Variants in PAFAH1B1 observed in about 807,000 individuals in gnomAD.
The protein encoded by PAFAH1B1 is platelet-activating factor acetylhydrolase IB subunit beta.
Under a neutral mutation model 57.5 loss-of-function variants are expected in PAFAH1B1, and 2 were observed. The ratio of observed to expected loss-of-function variants is 0.03; its 90% CI spans 0.01 to 0.11. The LOEUF is 0.11. PAFAH1B1 is among the 10% of genes least tolerant of loss of function. PAFAH1B1 has a pLI of 1.00. For missense variants in PAFAH1B1, 257 were observed against 512.0 expected, an observed-to-expected ratio of 0.50 and a Z score of 4.81; for synonymous variants, 152 against 169.6, an observed-to-expected ratio of 0.90 and a Z score of 0.81.
At chr17:2,614,727 A>G (rs1026759916) in intron 1 of PAFAH1B1, among the ~76,000 whole-genome samples, 30 of 152,028 alleles carry the variant, frequency 2.0e-4, no homozygotes, top group African/African-American at 7.2e-4. Flanking sequence ...GGCACATGCC[A>G]CCATGCATGG....
intron 2 of PAFAH1B1, among the ~76,000 whole-genome samples, chr17:2,661,695 C>G (rs185601448): frequency 3.8e-4 from 58 of 152,192 alleles, no homozygotes; most frequent in African/African-American, 1.3e-3. Flanking sequence ...AGTTCATCAG[C>G]CTTTGACTTA....
chr17:2,594,759 A>C (rs932479470), intron 1 of PAFAH1B1, among the ~76,000 whole-genome samples: 1 of 152,118 alleles, frequency 6.6e-6, no homozygotes, highest in Non-Finnish European at 1.5e-5. Flanking sequence ...GTTAACATTC[A>C]GCTTCGAGGC....
intron 2 of PAFAH1B1, among the ~76,000 whole-genome samples, chr17:2,654,336 C>T (rs151069422): frequency 2.1e-3 from 322 of 151,790 alleles, no homozygotes; most frequent in Admixed American, 3.2e-3. Flanking sequence ...ATTACAGGCA[C>T]GCACCATCAC....
intron 2 of PAFAH1B1, among the ~76,000 whole-genome samples, chr17:2,652,699 T>C (rs181381954): frequency 1.8e-4 from 28 of 152,318 alleles, no homozygotes; most frequent in Non-Finnish European, 1.8e-4. Context: ...CACATGTTCA[T>C]GTAGTGGCGT....
intron 1 of PAFAH1B1, chr17:2,614,025 T>TTTTTG (rs1567528428): frequency 1.4e-5 from 2 of 140,492 alleles, no homozygotes; most frequent in Non-Finnish European, 3.0e-5. Flanking sequence ...TATTGGGTTT[T>TTTTTG]TTTTTTTTTT....
chr17:2,627,574 C>G (rs2068508601), intron 1 of PAFAH1B1, among the ~76,000 whole-genome samples: 1 of 152,250 alleles, frequency 6.6e-6, no homozygotes, highest in Non-Finnish European at 1.5e-5. Flanking sequence ...GCTATGCAGT[C>G]TCTTTTTTGG....
chr17:2,676,248 C>T (rs1027678451), intron 8 of PAFAH1B1: 28 of 410,946 alleles, frequency 6.8e-5, no homozygotes, highest in African/African-American at 4.5e-4. Flanking sequence ...TGTGGTGGTG[C>T]GTGCCTGTAA....
At chr17:2,665,510 AAGTATCTGTAG>A in intron 3 of PAFAH1B1, 54 bp downstream of exon 3, 5 of 1,020,982 alleles carry the variant, frequency 4.9e-6, no homozygotes, top group Non-Finnish European at 7.8e-6. Context: ...ATTTTCACTC[AAGTATCTGTAG>A]TTAACAGTTA....
intron 2 of PAFAH1B1, among the ~76,000 whole-genome samples, chr17:2,643,291 C>A (rs2068720604): frequency 6.6e-6 from 1 of 151,890 alleles, no homozygotes; most frequent in African/African-American, 2.4e-5. Flanking sequence ...TTTTGTTTTC[C>A]CCCTTTTGTG....
chr17:2,595,190 T>TAG (rs1441025923), intron 1 of PAFAH1B1, among the ~76,000 whole-genome samples: 1 of 152,138 alleles, frequency 6.6e-6, no homozygotes, highest in Non-Finnish European at 1.5e-5. Flanking sequence ...TCCGGACAAA[T>TAG]AGAGATATTA....
chr17:2,628,263 C>T (rs956150119), intron 1 of PAFAH1B1, among the ~76,000 whole-genome samples: 18 of 152,138 alleles, frequency 1.2e-4, no homozygotes, highest in African/African-American at 4.1e-4. Context: ...GCTGATTTTG[C>T]AGAGAGTTTT....
chr17:2,595,303 T>TG (rs545417841), intron 1 of PAFAH1B1, among the ~76,000 whole-genome samples: 49 of 151,940 alleles, frequency 3.2e-4, no homozygotes, highest in East Asian at 5.8e-4. Context: ...CTGTTTTTGT[T>TG]GGGGGGGTGG....
intron 8 of PAFAH1B1, among the ~76,000 whole-genome samples, chr17:2,675,885 G>A (rs1293818760): frequency 6.6e-6 from 1 of 152,016 alleles, no homozygotes; most frequent in Non-Finnish European, 1.5e-5. Context: ...AAATAAATAA[G>A]TAAATTTGGT....
At chr17:2,660,458 GTGTTCTCAT>G (rs1342985154) in intron 2 of PAFAH1B1, among the ~76,000 whole-genome samples, 1 of 152,048 alleles carries the variant, frequency 6.6e-6, no homozygotes, top group Non-Finnish European at 1.5e-5. Context: ...TGTGGTCCAT[GTGTTCTCAT>G]TGTTCAACTC....
At chr17:2,672,849 C>T in intron 7 of PAFAH1B1, 92 bp downstream of exon 7, 1 of 786,990 alleles carries the variant, frequency 1.3e-6, no homozygotes, top group Non-Finnish European at 2.2e-6. Context: ...GTGGGCAGAT[C>T]ACCTGGTCAG....
chr17:2,614,763 T>TC (rs964855595), intron 1 of PAFAH1B1, among the ~76,000 whole-genome samples: 24 of 150,786 alleles, frequency 1.6e-4, no homozygotes, highest in African/African-American at 5.1e-4. Flanking sequence ...TTTTCTTTTC[T>TC]TTTTTTTTAG....
intron 2 of PAFAH1B1, among the ~76,000 whole-genome samples, chr17:2,664,071 C>T (rs1164882935): frequency 2.0e-5 from 3 of 152,148 alleles, no homozygotes; most frequent in Non-Finnish European, 4.4e-5. Context: ...TGAGCCACTG[C>T]GCTGGCCTAA....
At chr17:2,619,536 G>GTTTTTTTTTTGT (rs1555521968) in intron 1 of PAFAH1B1, among the ~76,000 whole-genome samples, 87 of 45,894 alleles carry the variant, frequency 1.9e-3, no homozygotes, top group African/African-American at 5.5e-3. Context: ...GCCCTTACCT[G>GTTTTTTTTTTGT]TTTTTTTTTT....
chr17:2,680,659 C>T (rs906866256), intron 10 of PAFAH1B1, among the ~76,000 whole-genome samples: 3 of 152,166 alleles, frequency 2.0e-5, no homozygotes, highest in Admixed American at 1.3e-4. Context: ...TCAACCTTTC[C>T]CACTGGCAGG....
Sources: allele counts gnomAD v4.1 joint callset (sites outside exome capture counted in the v4.1 genomes callset), GRCh38; gene constraint gnomAD v4.1.1; transcripts MANE v1.5; gene names NCBI Gene and HGNC (gene_info 2026-07-23, HGNC 2026-07-21).